ADAM20: variants seen among roughly 807,000 people sequenced by gnomAD.
ADAM20 encodes ADAM metallopeptidase domain 20, also known as disintegrin and metalloproteinase domain-containing protein 20.
For synonymous variants in ADAM20, 305 were observed against 310.2 expected (o/e 0.98, Z 0.18); for missense variants, 871 against 883.2 (o/e 0.99, Z 0.18).
the ADAM20 span, among the ~76,000 whole-genome samples, chr14:70,571,907 G>A: frequency 2.0e-5 from 3 of 151,976 alleles, no homozygotes; most frequent in African/African-American, 7.2e-5. Context: ...AAATAAGTAG[G>A]AATATGTTTA....
chr14:70,527,803 C>T (rs945530352), intron 1 of ADAM20, among the ~76,000 whole-genome samples: 1 of 152,156 alleles, frequency 6.6e-6, no homozygotes, highest in Non-Finnish European at 1.5e-5. Context: ...CCCTCCCCTA[C>T]ATGCAAGTGT....
upstream of ADAM20, among the ~76,000 whole-genome samples, chr14:70,535,466 T>C (rs1271780176): frequency 6.6e-6 from 1 of 152,204 alleles, no homozygotes; most frequent in Non-Finnish European, 1.5e-5. Context: ...ATTTGGATGA[T>C]TTTAAACATG....
At chr14:70,576,718 T>A in the ADAM20 span, among the ~76,000 whole-genome samples, 1 of 152,012 alleles carries the variant, frequency 6.6e-6, no homozygotes, top group Non-Finnish European at 1.5e-5. Context: ...GTAGGGTACA[T>A]AAAGAGGGTT....
the ADAM20 span, among the ~76,000 whole-genome samples, chr14:70,563,151 A>G: frequency 6.6e-6 from 1 of 152,178 alleles, no homozygotes; most frequent in African/African-American, 2.4e-5. Flanking sequence ...CCATAACTGG[A>G]CCAAATGAGA....
upstream of ADAM20, among the ~76,000 whole-genome samples, chr14:70,536,316 A>C (rs1369752647): frequency 6.6e-6 from 1 of 151,692 alleles, no homozygotes; most frequent in African/African-American, 2.4e-5. Flanking sequence ...AAATACAAAA[A>C]TTAGCCAGGC....
intron 1 of ADAM20, among the ~76,000 whole-genome samples, chr14:70,531,106 A>G (rs1883701579): frequency 6.6e-6 from 1 of 152,164 alleles, no homozygotes; most frequent in South Asian, 2.1e-4. Flanking sequence ...TAAGAGAAAA[A>G]CAAAACAAAA....
At chr14:70,545,490 A>G in the ADAM20 span, among the ~76,000 whole-genome samples, 4 of 151,864 alleles carry the variant, frequency 2.6e-5, no homozygotes, top group East Asian at 7.7e-4. Context: ...TTCACCTATA[A>G]AGACACACAG....
chr14:70,540,501 G>A, the ADAM20 span, among the ~76,000 whole-genome samples: 4 of 152,078 alleles, frequency 2.6e-5, no homozygotes, highest in Non-Finnish European at 4.4e-5. Context: ...TGCATTTATC[G>A]ATCAAGCAAT....
At chr14:70,577,653 C>T in the ADAM20 span, among the ~76,000 whole-genome samples, 1 of 152,114 alleles carries the variant, frequency 6.6e-6, no homozygotes, top group African/African-American at 2.4e-5. Context: ...AAACTTACCA[C>T]AAAACTACAG....
At position 70,523,898 on chromosome 14, in the gene ADAM20, A is replaced by G. The variant is rs202015077; in HGVS notation, c.860T>C (p.Leu287Pro). ...EDFSIWKNYN[L>P]NNRLQHDVAH... ...AACATCATGTTGTAGTCGATTATTA[A>G]GGTTATAATTCTTCCAAATAGAAAA... The change falls in exon 2 of 2, where the codon CTT becomes CCT. Residue 287 changes from leucine to proline, a missense_variant. Coordinates refer to ENST00000256389, the MANE Select transcript of ADAM20 (RefSeq NM_003814.5). 9.9e-6 allele frequency: 16 copies of G among 1,613,950 alleles called. No individual in the cohort carries two copies. In the East Asian group the frequency reaches 2.9e-4, roughly 29 times the overall value.
chr14:70,533,764 T>TAA (rs76438186), intron 1 of ADAM20, among the ~76,000 whole-genome samples: 5 of 143,052 alleles, frequency 3.5e-5, no homozygotes, highest in African/African-American at 1.0e-4. Context: ...ACTTAAAATT[T>TAA]AAAAAAAAAA....
In ADAM20 at chr14:70,524,116, G is replaced by T; in HGVS notation, c.642C>A (p.Val214=). ...AGAAAAGATATCTAATATTATCCAC[G>T]ACCACTACCAGCTCAACAAACCGCT... The part of the protein sequence containing the change: ...THQRFVELVV[V]VDNIRYLFSQ... Residue 214 remains valine (V), a synonymous_variant, in exon 2 of 2, where the codon GTC becomes GTA. Coordinates refer to ENST00000256389, the MANE Select transcript of ADAM20 (RefSeq NM_003814.5). 6.2e-7 allele frequency: 1 copy of T among 1,613,634 alleles called. No homozygotes were observed. The highest frequency in any genetic ancestry group is 1.1e-5 in the South Asian group (1 of 91,016).
Position 70,524,241 on chromosome 14 carries a change from A to C in ADAM20, c.517T>G (p.Cys173Gly), listed in dbSNP as rs2139529830. ...SDDTQFPPMR[C>G]GLTEEKIAHQ... ...GCTATTTTCTCTTCTGTTAACCCAC[A>C]TCTCATAGGTGGAAACTGTGTATCA... The change falls in exon 2 of 2, where the codon TGT (cysteine) becomes GGT (glycine). Residue 173 changes from cysteine to glycine, a missense_variant. Cys to Gly is a radical substitution (Grantham distance 159). Coordinates refer to ENST00000256389, the MANE Select transcript of ADAM20 (RefSeq NM_003814.5). 3.1e-6 allele frequency: 5 copies of C among 1,613,962 alleles called. No individual in the cohort carries two copies. The highest frequency in any genetic ancestry group is 3.4e-6 in the Non-Finnish European group (4 of 1,179,922).
chr14:70,554,733 G>A, the ADAM20 span, among the ~76,000 whole-genome samples: 2 of 152,326 alleles, frequency 1.3e-5, no homozygotes, highest in South Asian at 4.1e-4. Context: ...AATAGTGGTT[G>A]CTAGGAGCTA....
the ADAM20 span, among the ~76,000 whole-genome samples, chr14:70,568,697 A>T: frequency 6.6e-6 from 1 of 152,204 alleles, no homozygotes; most frequent in African/African-American, 2.4e-5. Context: ...GAACTTCTGA[A>T]ATTGAAAATT....
chr14:70,539,107 C>G (rs564211445), upstream of ADAM20, among the ~76,000 whole-genome samples: 12 of 150,304 alleles, frequency 8.0e-5, no homozygotes, highest in South Asian at 2.3e-3. Context: ...TGCTTCCCCC[C>G]ACAGAGAGCC....
chr14:70,523,487 C>A lies in ADAM20; in HGVS notation c.1271G>T (p.Gly424Val), dbSNP rs530466368. The A allele has an allele frequency of 6.2e-7, 1 of 1,614,072 alleles. No homozygotes were observed. Among genetic ancestry groups the A allele is most frequent in the South Asian group, 1.1e-5 (1 of 91,084 alleles). Residue 424 changes from glycine to valine, a missense_variant, in exon 2 of 2, where the codon GGA (glycine) becomes GTA (valine). By Grantham distance (109) the Gly-to-Val change is moderately radical. Coordinates refer to ENST00000256389, the MANE Select transcript of ADAM20 (RefSeq NM_003814.5). The part of the protein sequence containing the change: ...VVEEGEECDC[G>V]TIRQCAKDPC... ...ATCTTTTGCACACTGCCGTATGGTT[C>A]CACAGTCACATTCCTCCCCTTCTTC...
At chr14:70,527,905 C>G (rs893846557) in intron 1 of ADAM20, among the ~76,000 whole-genome samples, 1 of 152,190 alleles carries the variant, frequency 6.6e-6, no homozygotes, top group African/African-American at 2.4e-5. Flanking sequence ...CTACCCTTAT[C>G]TAAATCATCT....
At chr14:70,537,794 A>G (rs761657962), upstream of ADAM20, among the ~76,000 whole-genome samples, 1 of 152,124 alleles carries the variant, frequency 6.6e-6, no homozygotes, top group Non-Finnish European at 1.5e-5. Context: ...CCTGGACCCA[A>G]TACAAATTAA....
Sources: gnomAD v4.1 joint callset for allele counts (sites outside exome capture counted in the v4.1 genomes callset) on GRCh38, gnomAD v4.1.1 for gene constraint, MANE v1.5 for transcripts, NCBI Gene and HGNC (gene_info 2026-07-23, HGNC 2026-07-21) for gene names.